Variants in TRAT1 observed in about 807,000 individuals in gnomAD.
TRAT1 encodes the protein T cell receptor associated transmembrane adaptor 1, also known as T-cell receptor-associated transmembrane adapter 1.
In TRAT1, 20 loss-of-function variants were observed where a neutral mutation model predicts 20.0. That is an observed-to-expected ratio of 1.00 (90% CI 0.70 to 1.45). The LOEUF is 1.45. TRAT1 is among the 40% of genes most tolerant of loss of function. The pLI, the probability that TRAT1 is intolerant of heterozygous loss-of-function variation, is 0.00. For synonymous variants in TRAT1, 77 were observed against 74.2 expected, an observed-to-expected ratio of 1.04 and a Z score of -0.20; for missense variants, 237 against 224.1, an observed-to-expected ratio of 1.06 and a Z score of -0.37.
chr3:108,845,368 C>A (rs1281014219), intron 3 of TRAT1, among the ~76,000 whole-genome samples: 1 of 152,150 alleles, frequency 6.6e-6, no homozygotes, highest in Non-Finnish European at 1.5e-5. Flanking sequence ...TTGGATCTGC[C>A]ATCTATGTGG....
chr3:108,828,261 GATTTTTATT>G (rs1465418663), intron 1 of TRAT1, among the ~76,000 whole-genome samples: 2 of 152,032 alleles, frequency 1.3e-5, no homozygotes, highest in Non-Finnish European at 2.9e-5. Context: ...AAAGGAGATC[GATTTTTATT>G]AGTGTTCCCG....
chr3:108,853,713 G>T lies in TRAT1; in HGVS notation c.397G>T (p.Asp133Tyr). 6.2e-7 allele frequency: 1 copy of T among 1,614,144 alleles called. No individual in the cohort carries two copies. Among genetic ancestry groups the T allele is most frequent in the South Asian group, 1.1e-5 (1 of 91,076 alleles). Residue 133 changes from aspartate (D) to tyrosine (Y), a missense_variant, in exon 6 of 6, where the codon GAC becomes TAC. Transcript: ENST00000295756. ...CAGGAAACAGAATACTCATTTCTCA[G>T]ACAAGGATGGAGATGAGCAACTACA... ...KPRKQNTHFSDKDGDEQLHAI... is the reference protein window; with the variant it reads ...KPRKQNTHFSYKDGDEQLHAI...
At chr3:108,834,174 G>T (rs891100291) in intron 2 of TRAT1, among the ~76,000 whole-genome samples, 1 of 152,176 alleles carries the variant, frequency 6.6e-6, no homozygotes, top group Non-Finnish European at 1.5e-5. Flanking sequence ...CCATTTCAGA[G>T]AGTTTTCTGT....
intron 1 of TRAT1, among the ~76,000 whole-genome samples, chr3:108,824,540 T>C (rs187308205): frequency 1.3e-4 from 20 of 152,350 alleles, no homozygotes; most frequent in Admixed American, 1.1e-3. Flanking sequence ...CCTCTTTTGC[T>C]TAATTAGTAT....
chr3:108,845,300 T>A (rs970302855), intron 3 of TRAT1, among the ~76,000 whole-genome samples: 3 of 152,250 alleles, frequency 2.0e-5, no homozygotes, highest in Admixed American at 2.0e-4. Context: ...ACATCTTATT[T>A]TCATTCATAG....
intron 4 of TRAT1, chr3:108,847,401 T>C: frequency 3.3e-6 from 1 of 302,500 alleles, no homozygotes; most frequent in Non-Finnish European, 6.0e-6. Flanking sequence ...ACTATTACCA[T>C]GAATTTCAAC....
chr3:108,830,624 G>A (rs1945783606), intron 1 of TRAT1, 46 bp from the exon 2 acceptor site: 1 of 1,301,070 alleles, frequency 7.7e-7, no homozygotes, highest in Admixed American at 1.7e-5. Flanking sequence ...CAAAACAAAT[G>A]GGTAAGCAGC....
Position 108,851,582 on chromosome 3 carries a change from G to T in TRAT1, c.304-2038G>T, listed in dbSNP as rs551404176. ...TTTCTCAAGTTTCCATTTTTTTAAT[G>T]AATCATTACTATTTGCCTACCAATA... On this transcript the variant is annotated intron_variant, in intron 5 of 5. Transcript: ENST00000295756. 4.3e-4 allele frequency among the ~76,000 whole-genome samples: 64 copies of T among 147,992 alleles called. No individual in the cohort carries two copies. In the South Asian group the frequency reaches 5.3e-3, roughly 12 times the overall value.
intron 2 of TRAT1, among the ~76,000 whole-genome samples, chr3:108,832,836 T>TC (rs1195250588): frequency 6.6e-6 from 1 of 152,170 alleles, no homozygotes; most frequent in Admixed American, 6.5e-5. Flanking sequence ...ATTTTTTCAG[T>TC]CCTATGATTG....
chr3:108,829,619 C>CACACACACAAT, intron 1 of TRAT1, among the ~76,000 whole-genome samples: 1 of 23,028 alleles, frequency 4.3e-5, no homozygotes, highest in South Asian at 1.2e-3. Flanking sequence ...ACACACACAA[C>CACACACACAAT]GTTTTGGTCG....
intron 1 of TRAT1, among the ~76,000 whole-genome samples, chr3:108,823,361 C>T (rs1945709798): frequency 6.6e-6 from 1 of 152,136 alleles, no homozygotes; most frequent in Non-Finnish European, 1.5e-5. Context: ...AGAGAGACAA[C>T]AATTTTGAAA....
At chr3:108,827,386 G>GTGTGTGTC in intron 1 of TRAT1, among the ~76,000 whole-genome samples, 1 of 19,354 alleles carries the variant, frequency 5.2e-5, no homozygotes, top group African/African-American at 1.2e-4. Context: ...ATGTGTGTAT[G>GTGTGTGTC]TGTGTGTGTG....
intron 5 of TRAT1, among the ~76,000 whole-genome samples, 192 bp from the exon 6 acceptor site, chr3:108,853,428 A>G (rs1033653645): frequency 1.3e-5 from 2 of 152,190 alleles, no homozygotes; most frequent in South Asian, 4.1e-4. Context: ...CACTTTTTCA[A>G]CTCAAGAGTG....
intron 1 of TRAT1, among the ~76,000 whole-genome samples, chr3:108,830,039 C>A (rs915244509): frequency 6.6e-6 from 1 of 152,112 alleles, no homozygotes; most frequent in African/African-American, 2.4e-5. Flanking sequence ...TCTACTGGGA[C>A]AAGATGTGGG....
intron 5 of TRAT1, among the ~76,000 whole-genome samples, chr3:108,853,389 T>C (rs1178747362): frequency 2.0e-5 from 3 of 152,088 alleles, no homozygotes; most frequent in Admixed American, 6.5e-5. Flanking sequence ...AATAAAGAAA[T>C]AAAAATCTAG....
intron 2 of TRAT1, among the ~76,000 whole-genome samples, chr3:108,833,888 C>T (rs1326481039): frequency 6.6e-6 from 1 of 152,064 alleles, no homozygotes; most frequent in Non-Finnish European, 1.5e-5. Context: ...TGCAGCCCAT[C>T]ACCATACCTA....
At chr3:108,832,690 T>G (rs138139102) in intron 2 of TRAT1, among the ~76,000 whole-genome samples, 2,409 of 152,290 alleles carry the variant, frequency 0.016, 25 homozygotes, top group Non-Finnish European at 0.025. Flanking sequence ...CTTTCATTGA[T>G]TCCACTGATA....
intron 5 of TRAT1, among the ~76,000 whole-genome samples, chr3:108,849,778 C>G (rs2922117): frequency 0.55 from 83,715 of 151,966 alleles, 23,484 homozygotes; most frequent in East Asian, 0.9. Flanking sequence ...TTTATGTGGA[C>G]GTAGGCAGGA....
chr3:108,823,445 G>C (rs1945710092), intron 1 of TRAT1, among the ~76,000 whole-genome samples: 1 of 152,108 alleles, frequency 6.6e-6, no homozygotes, highest in African/African-American at 2.4e-5. Context: ...GTTGTGAAAG[G>C]GTTGGATCCA....
Sources: allele counts gnomAD v4.1 joint callset (sites outside exome capture counted in the v4.1 genomes callset), GRCh38; gene constraint gnomAD v4.1.1; transcripts MANE v1.5; gene names NCBI Gene and HGNC (gene_info 2026-07-23, HGNC 2026-07-21).